RPS6KA2: variants seen among roughly 807,000 people sequenced by gnomAD.
RPS6KA2 encodes ribosomal protein S6 kinase alpha-2.
Under a neutral mutation model 91.8 loss-of-function variants are expected in RPS6KA2, and 42 were observed. The ratio of observed to expected loss-of-function variants is 0.46; its 90% CI spans 0.36 to 0.59. The LOEUF is 0.59. Among genes scored for constraint, RPS6KA2 ranks in the 20% least tolerant of loss-of-function variants. RPS6KA2 has a pLI of 0.00. For missense variants in RPS6KA2, 798 were observed against 978.5 expected (o/e 0.82, Z 2.46); for synonymous variants, 414 against 393.6 (o/e 1.05, Z -0.61).
chr6:166,413,946 C>A lies in RPS6KA2; in HGVS notation c.1939-15G>T. The A allele has an allele frequency of 6.2e-7, 1 of 1,612,662 alleles. No homozygotes were observed. The highest frequency in any genetic ancestry group is 1.1e-5 in the South Asian group (1 of 90,968). ...GACACGACGTCCTGCCAGGGAAGGT[C>A]ATGAGAGTCGGGGGGATGGTTGGAT... On this transcript the variant is annotated splice_polypyrimidine_tract_variant and intron_variant, in intron 19 of 20. Transcript: ENST00000265678.
In RPS6KA2 at chr6:166,563,822, G is replaced by A. The variant is rs564844464; in HGVS notation, c.100-25038C>T. Among the ~76,000 whole-genome samples, 1 of 152,174 alleles carries A rather than the reference G, an allele frequency of 6.6e-6. No individual in the cohort carries two copies. The highest frequency in any genetic ancestry group is 1.9e-4 in the East Asian group (1 of 5,186). On this transcript the variant is annotated intron_variant, in intron 1 of 20. Coordinates refer to ENST00000265678, the MANE Select transcript of RPS6KA2 (RefSeq NM_021135.6). The surrounding 1 kb of genome is among the most constrained non-coding windows in gnomAD (Gnocchi z 4.1). ...TATCTATATCAGTGCTTATAATATT[G>A]TTTGCATGAAAAAAAAGTTTCTCAT...
Position 166,770,752 on chromosome 6 carries a change from G to T in RPS6KA2, c.123+87448C>A. On this transcript the variant is annotated intron_variant, in intron 2 of 21. Coordinates refer to the RPS6KA2 transcript ENST00000503859. The surrounding 1 kb of genome is among the most constrained non-coding windows in gnomAD (Gnocchi z 5.1). ...TTCGCACCTTGCCTTGCTGGACTCC[G>T]GGCACCGTGAAACAACTCAATAAAT... 9.6e-7 allele frequency: 1 copy of T among 1,044,694 alleles called. No individual in the cohort carries two copies. The allele number at this position is 1,044,694 out of a possible 1,614,324, so 64.7% of individuals were successfully genotyped here. A position where few individuals can be genotyped will look rare whatever the true frequency, so the allele number is the denominator to read the frequency against.
intron 2 of RPS6KA2, among the ~76,000 whole-genome samples, chr6:166,845,926 T>C (rs985556193): frequency 6.6e-6 from 1 of 151,948 alleles, no homozygotes; most frequent in Non-Finnish European, 1.5e-5. Flanking sequence ...AAAAAGCTGG[T>C]TCTTTGAAAT....
At chr6:166,671,175 T>C (rs1401586562) in intron 2 of RPS6KA2, among the ~76,000 whole-genome samples, 4 of 152,172 alleles carry the variant, frequency 2.6e-5, no homozygotes, top group Non-Finnish European at 5.9e-5. Context: ...GCAGAGTAAA[T>C]GGTCATTTTT....
At chr6:166,693,026 T>C (rs942265851) in intron 2 of RPS6KA2, among the ~76,000 whole-genome samples, 1 of 152,226 alleles carries the variant, frequency 6.6e-6, no homozygotes, top group African/African-American at 2.4e-5. Flanking sequence ...GGCAGTTGAT[T>C]GCAGCAAGGA....
chr6:166,486,152 G>A (rs1347345413), intron 10 of RPS6KA2, among the ~76,000 whole-genome samples: 1 of 152,152 alleles, frequency 6.6e-6, no homozygotes, highest in African/African-American at 2.4e-5. Context: ...GGAATCTCAG[G>A]TCCCATCTGG....
At chr6:166,683,911 C>T (rs1388200713) in intron 2 of RPS6KA2, among the ~76,000 whole-genome samples, 1 of 152,212 alleles carries the variant, frequency 6.6e-6, no homozygotes, top group Non-Finnish European at 1.5e-5. Context: ...AGGCCTACAA[C>T]AGCCACGGCA....
chr6:166,628,277 C>G (rs185469438), upstream of RPS6KA2, among the ~76,000 whole-genome samples: 4 of 152,348 alleles, frequency 2.6e-5, no homozygotes, highest in East Asian at 7.7e-4. Flanking sequence ...GCTCACGACC[C>G]CGTGCAGCCT....
intron 2 of RPS6KA2, among the ~76,000 whole-genome samples, chr6:166,672,128 G>A (rs1266979212): frequency 6.6e-6 from 1 of 152,142 alleles, no homozygotes; most frequent in Non-Finnish European, 1.5e-5. Context: ...AAAATGTACA[G>A]ACACCAAGGA....
rs906658803 is a variant in RPS6KA2 at position 166,586,428 on chromosome 6, C to T, written c.99+40493G>A. 3.8e-6 allele frequency: 6 copies of T among 1,599,926 alleles called. No homozygotes were observed. In the African/African-American group the frequency reaches 6.5e-5, roughly 17 times the overall value. On this transcript the variant is annotated intron_variant, in intron 1 of 20. Transcript: ENST00000265678. ...CTCCTTGTCATTTTCTGTGAATCTACTAGCAAACATCTCTTCAAAATTTGG... is the reference window on the plus strand; with the variant it reads ...CTCCTTGTCATTTTCTGTGAATCTATTAGCAAACATCTCTTCAAAATTTGG...
intron 10 of RPS6KA2, among the ~76,000 whole-genome samples, chr6:166,476,605 C>T: frequency 6.6e-6 from 1 of 152,084 alleles, no homozygotes; most frequent in Non-Finnish European, 1.5e-5. Flanking sequence ...CTGGTGGGGG[C>T]TCATTAAGGA....
Position 166,856,332 on chromosome 6 carries a change from G to A in RPS6KA2, c.123+1868C>T, listed in dbSNP as rs186996455. Among the ~76,000 whole-genome samples the A allele has an allele frequency of 9.2e-5, 14 of 152,258 alleles. No homozygotes were observed. In the East Asian group the frequency reaches 2.3e-3, roughly 25 times the overall value. On this transcript the variant is annotated intron_variant, in intron 2 of 21. Coordinates refer to the RPS6KA2 transcript ENST00000503859. ...AGAGCTCCCTTGCCCCTTCCACCAC[G>A]TGAGGACAAGGGTAAAGACGGCTGG...
intron 3 of RPS6KA2, among the ~76,000 whole-genome samples, chr6:166,511,445 T>C (rs991926126): frequency 4.6e-5 from 7 of 152,336 alleles, no homozygotes; most frequent in Admixed American, 4.6e-4. Flanking sequence ...CAGCTACATA[T>C]TCTTCTTAGT....
chr6:166,504,359 C>G (rs1341959669), intron 6 of RPS6KA2, 147 bp downstream of exon 6: 6 of 551,496 alleles, frequency 1.1e-5, no homozygotes, highest in Admixed American at 3.5e-5. Context: ...CTGAGCCGGT[C>G]CTGCCGGCAC....
intron 2 of RPS6KA2, among the ~76,000 whole-genome samples, chr6:166,747,252 C>T (rs1791048165): frequency 6.6e-6 from 1 of 152,170 alleles, no homozygotes; most frequent in South Asian, 2.1e-4. Context: ...CAGGGGCCCT[C>T]AGCCACCAGT....
intron 19 of RPS6KA2, among the ~76,000 whole-genome samples, chr6:166,417,620 TACACACACACACACACACAC>T (rs10568123): frequency 2.6e-4 from 39 of 148,592 alleles, no homozygotes; most frequent in African/African-American, 9.1e-4. Flanking sequence ...TCTCTCTCTA[TACACACACACACACACACAC>T]ACACACACAC....
At chr6:166,582,810 A>C (rs75372834) in intron 1 of RPS6KA2, among the ~76,000 whole-genome samples, 1,604 of 152,354 alleles carry the variant, frequency 0.011, 23 homozygotes, top group African/African-American at 0.037. Context: ...TGTGCAGAGG[A>C]AGAAAAAACA....
chr6:166,655,642 C>G (rs1787980083), intron 2 of RPS6KA2, among the ~76,000 whole-genome samples: 1 of 152,236 alleles, frequency 6.6e-6, no homozygotes, highest in Non-Finnish European at 1.5e-5. Context: ...AATTAAAACT[C>G]TCCATCAGAA....
At chr6:166,832,034 C>G (rs1780198039) in intron 2 of RPS6KA2, among the ~76,000 whole-genome samples, 1 of 128,446 alleles carries the variant, frequency 7.8e-6, no homozygotes, top group African/African-American at 3.0e-5. Flanking sequence ...ATAGATGATA[C>G]ATGATAGATA....
Sources: allele counts gnomAD v4.1 joint callset (sites outside exome capture counted in the v4.1 genomes callset), GRCh38; gene constraint gnomAD v4.1.1; non-coding constraint Gnocchi (gnomAD v3.1); transcripts MANE v1.5; gene names NCBI Gene and HGNC (gene_info 2026-07-23, HGNC 2026-07-21).